The following NKAIN3 variants were observed in gnomAD, a reference collection of about 807,000 sequenced individuals.
NKAIN3 encodes sodium/potassium-transporting ATPase subunit beta-1-interacting protein 3.
In NKAIN3, 25 loss-of-function variants were observed where a neutral mutation model predicts 30.2. That is an observed-to-expected ratio of 0.83 (90% CI 0.60 to 1.16). The LOEUF (loss-of-function observed/expected upper bound fraction) is 1.16, where lower values mean the gene tolerates loss of function less well. Ranked by LOEUF, NKAIN3 falls within the 50% of genes most tolerant of loss-of-function variation. The pLI is 0.00. For synonymous variants in NKAIN3, 91 were observed against 89.6 expected (o/e 1.02, Z -0.09); for missense variants, 225 against 254.1 (o/e 0.89, Z 0.78).
At chr8:62,532,712 A>G (rs577352577) in intron 1 of NKAIN3, among the ~76,000 whole-genome samples, 2 of 152,244 alleles carry the variant, frequency 1.3e-5, no homozygotes, top group African/African-American at 4.8e-5. Context: ...TCTGCTTCCA[A>G]TTCCATTCTA....
At chr8:62,599,599 C>T (rs1160325380) in intron 3 of NKAIN3, among the ~76,000 whole-genome samples, 2 of 151,878 alleles carry the variant, frequency 1.3e-5, no homozygotes, top group Admixed American at 6.6e-5. Flanking sequence ...ATCCTGAAAA[C>T]CTTTGGGATG....
In NKAIN3 at chr8:62,982,546, T is replaced by C. The variant is rs1376399943; in HGVS notation, c.*17139T>C. 6.6e-6 allele frequency: 1 copy of C among 152,232 alleles called. No individual in the cohort carries two copies. The highest frequency in any genetic ancestry group is 2.4e-5 in the African/African-American group (1 of 41,458). 9.4% of individuals were successfully genotyped at this position (152,232 alleles called of 1,614,324 possible). On this transcript the variant is annotated 3_prime_UTR_variant, in exon 7 of 7. Transcript: ENST00000623646. ...AGCGTCAGTAATTCTGTAGACATGCTTCATGCATGTTCTGAATAGGAGCTA... is the reference window on the plus strand; with the variant it reads ...AGCGTCAGTAATTCTGTAGACATGCCTCATGCATGTTCTGAATAGGAGCTA...
intron 1 of NKAIN3, among the ~76,000 whole-genome samples, chr8:62,348,220 A>G (rs1585709248): frequency 6.6e-6 from 1 of 152,292 alleles, no homozygotes; most frequent in East Asian, 1.9e-4. Context: ...GGAAAAGAAT[A>G]TAGTGATCAC....
At chr8:62,723,281 TC>T (rs1265709069) in intron 3 of NKAIN3, among the ~76,000 whole-genome samples, 3 of 152,206 alleles carry the variant, frequency 2.0e-5, no homozygotes, top group Non-Finnish European at 4.4e-5. Context: ...CATATATTCT[TC>T]CCAGGTGGTA....
At chr8:62,541,407 TC>T (rs1306890788) in intron 1 of NKAIN3, among the ~76,000 whole-genome samples, 4 of 152,186 alleles carry the variant, frequency 2.6e-5, no homozygotes, top group African/African-American at 7.2e-5. Context: ...GTAGAACATC[TC>T]CTTCCTGGCC....
chr8:62,330,754 A>T (rs1377762637), intron 1 of NKAIN3, among the ~76,000 whole-genome samples: 1 of 151,980 alleles, frequency 6.6e-6, no homozygotes, highest in Non-Finnish European at 1.5e-5. Context: ...AGTAGTGTTA[A>T]GTAAACCCTT....
In NKAIN3 at chr8:62,420,584, C is replaced by G. The variant is rs566325760; in HGVS notation, c.55-158955C>G. 1.0e-3 allele frequency among the ~76,000 whole-genome samples: 154 copies of G among 152,082 alleles called. 3 individuals carry two copies. Among genetic ancestry groups the G allele is most frequent in the African/African-American group, 3.6e-3 (150 of 41,486 alleles). On this transcript the variant is annotated intron_variant, in intron 1 of 6. Coordinates refer to ENST00000623646, the MANE Select transcript of NKAIN3 (RefSeq NM_001304533.3). ...AACAGAAAATATGGAGTTTATGTAG[C>G]CTTTTAAAAATAAGTGTGGCTAGTT...
At chr8:62,470,446 A>G (rs1412774012) in intron 1 of NKAIN3, among the ~76,000 whole-genome samples, 3 of 152,148 alleles carry the variant, frequency 2.0e-5, no homozygotes, top group Non-Finnish European at 4.4e-5. Context: ...TAAGTTTTCT[A>G]GTAGAATCAA....
At chr8:62,441,469 CTTGTG>C (rs1805322345) in intron 1 of NKAIN3, among the ~76,000 whole-genome samples, 1 of 151,852 alleles carries the variant, frequency 6.6e-6, no homozygotes, top group Admixed American at 6.6e-5. Flanking sequence ...TCTATAATGT[CTTGTG>C]CATTGTTTAC....
rs1824125441 is a variant in NKAIN3 at position 62,983,304 on chromosome 8, T to A, written c.*17897T>A. The stretch of plus-strand genomic sequence containing the variant: ...CAGTGGTGAAGAGGTGTATTAACCC[T>A]CAAGGCCCTAAGAAAATCCCCAATA... On this transcript the variant is annotated 3_prime_UTR_variant, in exon 7 of 7. Coordinates refer to ENST00000623646, the MANE Select transcript of NKAIN3 (RefSeq NM_001304533.3). The A allele has an allele frequency of 6.6e-6, 1 of 151,822 alleles. No individual in the cohort carries two copies. Among genetic ancestry groups the A allele is most frequent in the Non-Finnish European group, 1.5e-5 (1 of 67,950 alleles). 9.4% of individuals were successfully genotyped at this position (151,822 alleles called of 1,614,324 possible). A position where few individuals can be genotyped will look rare whatever the true frequency, so the allele number is the denominator to read the frequency against.
At chr8:62,846,427 T>C (rs62510766) in intron 4 of NKAIN3, among the ~76,000 whole-genome samples, 18,399 of 152,090 alleles carry the variant, frequency 0.12, 1,255 homozygotes, top group African/African-American at 0.19. Flanking sequence ...TTCCATCACC[T>C]AGGTATTAGG....
intron 1 of NKAIN3, among the ~76,000 whole-genome samples, chr8:62,400,353 G>A (rs1329221054): frequency 6.6e-6 from 1 of 151,842 alleles, no homozygotes; most frequent in African/African-American, 2.4e-5. Flanking sequence ...TGTATTTTTA[G>A]TAGAGATGGG....
chr8:62,949,563 GGAA>G (rs752198220), intron 5 of NKAIN3, among the ~76,000 whole-genome samples: 3 of 152,286 alleles, frequency 2.0e-5, no homozygotes, highest in Non-Finnish European at 4.4e-5. Flanking sequence ...AGTTGGCACA[GGAA>G]GAAGATTTGA....
At chr8:62,758,039 T>G (rs1205781828) in intron 4 of NKAIN3, among the ~76,000 whole-genome samples, 2 of 152,188 alleles carry the variant, frequency 1.3e-5, no homozygotes, top group African/African-American at 4.8e-5. Flanking sequence ...CAGAGTGCCC[T>G]GGAAATACCT....
chr8:62,763,274 G>C (rs1816731746), intron 4 of NKAIN3, among the ~76,000 whole-genome samples: 1 of 113,338 alleles, frequency 8.8e-6, no homozygotes, highest in African/African-American at 3.0e-5. Flanking sequence ...TATATAGTCA[G>C]CCTAAAAAGA....
At chr8:62,868,872 G>T (rs1230954906) in intron 4 of NKAIN3, among the ~76,000 whole-genome samples, 1 of 152,138 alleles carries the variant, frequency 6.6e-6, no homozygotes, top group Non-Finnish European at 1.5e-5. Flanking sequence ...TCTACAGCAG[G>T]ATGAAGACTT....
chr8:62,411,530 A>G (rs766716919), intron 1 of NKAIN3, among the ~76,000 whole-genome samples: 3 of 152,232 alleles, frequency 2.0e-5, no homozygotes, highest in Admixed American at 6.5e-5. Context: ...CTCTTATTCA[A>G]CGTAGTACTG....
intron 1 of NKAIN3, among the ~76,000 whole-genome samples, chr8:62,281,949 A>G (rs1165416904): frequency 6.6e-6 from 1 of 151,758 alleles, no homozygotes; most frequent in East Asian, 1.9e-4. Context: ...CTCACATCTC[A>G]TGTCCTGTCA....
intron 3 of NKAIN3, among the ~76,000 whole-genome samples, chr8:62,608,680 G>A (rs1811199482): frequency 6.6e-6 from 1 of 152,144 alleles, no homozygotes; most frequent in South Asian, 2.1e-4. Flanking sequence ...ATTATAGCAT[G>A]TAAACTTTAA....
Sources: allele counts gnomAD v4.1 joint callset (sites outside exome capture counted in the v4.1 genomes callset), GRCh38; gene constraint gnomAD v4.1.1; transcripts MANE v1.5; gene names NCBI Gene and HGNC (gene_info 2026-07-23, HGNC 2026-07-21).